DCDC1: variants seen among roughly 807,000 people sequenced by gnomAD.
DCDC1 encodes the protein doublecortin domain-containing protein 1.
DCDC1 carries 200 observed loss-of-function variants against 178.3 expected under a neutral mutation model. The observed-to-expected ratio is 1.12, with a 90% CI of 1.00 to 1.26. The LOEUF (loss-of-function observed/expected upper bound fraction) is 1.26, where lower values mean the gene tolerates loss of function less well. DCDC1 is among the 50% of genes most tolerant of loss of function. DCDC1 has a pLI of 0.00. For missense variants in DCDC1, 1,983 were observed against 1,749.2 expected (o/e 1.13, Z -2.38); for synonymous variants, 690 against 604.8 (o/e 1.14, Z -2.07).
chr11:31,023,481 A>G (rs989637934), intron 20 of DCDC1, among the ~76,000 whole-genome samples: 2 of 152,096 alleles, frequency 1.3e-5, no homozygotes, highest in Admixed American at 1.3e-4. Flanking sequence ...TAAGAAAAGT[A>G]AAAACAGAGG....
chr11:31,272,349 C>A (rs1945630572), intron 7 of DCDC1, among the ~76,000 whole-genome samples: 1 of 152,074 alleles, frequency 6.6e-6, no homozygotes, highest in African/African-American at 2.4e-5. Context: ...AATCTCATGA[C>A]CCCTCCCAAA....
intron 1 of DCDC1, 61 bp from the exon 2 acceptor site, chr11:31,335,625 C>G (rs1950232667): frequency 6.6e-6 from 1 of 152,176 alleles, no homozygotes; most frequent in Admixed American, 6.6e-5. Context: ...AAACAATGTG[C>G]CCATAAGAAA....
intron 9 of DCDC1, among the ~76,000 whole-genome samples, chr11:31,203,750 A>G (rs1017149291): frequency 4.6e-5 from 7 of 152,222 alleles, no homozygotes; most frequent in African/African-American, 1.7e-4. Flanking sequence ...CAATGGTAAG[A>G]AAAATACTAT....
At chr11:31,245,650 T>A (rs1396649145) in intron 8 of DCDC1, among the ~76,000 whole-genome samples, 1 of 151,812 alleles carries the variant, frequency 6.6e-6, no homozygotes, top group Non-Finnish European at 1.5e-5. Context: ...GAGATGGGTA[T>A]TTTTAAAAAG....
rs184540227 is a variant in DCDC1, at chr11:31,033,558, A to G, written c.2591+30911T>C. 5.5e-4 allele frequency among the ~76,000 whole-genome samples: 84 copies of G among 152,324 alleles called. No homozygotes were observed. In the East Asian group the frequency reaches 0.013, roughly 24 times the overall value. ...AATATTTATCTTAAGTTTTGGCTTAAGATAAATTCTGAGGAATTATATTTC... is the reference window on the plus strand; with the variant it reads ...AATATTTATCTTAAGTTTTGGCTTAGGATAAATTCTGAGGAATTATATTTC... On this transcript the variant is annotated intron_variant, in intron 20 of 38. Transcript: ENST00000684477.
chr11:31,132,555 G>T (rs1473117730), intron 10 of DCDC1, among the ~76,000 whole-genome samples: 1 of 151,830 alleles, frequency 6.6e-6, no homozygotes, highest in South Asian at 2.1e-4. Context: ...TGTGAATAGG[G>T]GTAAAAGAAG....
chr11:31,243,467 C>T (rs1977436988), intron 8 of DCDC1, among the ~76,000 whole-genome samples: 1 of 151,594 alleles, frequency 6.6e-6, no homozygotes, highest in African/African-American at 2.4e-5. Context: ...ATGATTTACA[C>T]CCTAGAGTTA....
chr11:30,985,332 G>A (rs543583206), intron 20 of DCDC1, among the ~76,000 whole-genome samples: 17 of 152,194 alleles, frequency 1.1e-4, no homozygotes, highest in Admixed American at 9.2e-4. Flanking sequence ...TAAAATGCCT[G>A]TAAATTTCAA....
Position 30,919,036 on chromosome 11 carries a change from C to A in DCDC1, c.3293+1740G>T, listed in dbSNP as rs946787862. On this transcript the variant is annotated intron_variant, in intron 25 of 38. Coordinates refer to ENST00000684477, the MANE Select transcript of DCDC1 (RefSeq NM_001387274.1). The stretch of plus-strand genomic sequence containing the variant: ...TTTCAAATATGCAAAAAACTCCAAA[C>A]AAGCACATTTAAGAAAGTCTGGGAA... Among the ~76,000 whole-genome samples, 22 of 152,216 alleles carry A rather than the reference C, an allele frequency of 1.4e-4. No individual in the cohort carries two copies. In the South Asian group the frequency reaches 1.7e-3, roughly 11 times the overall value.
intron 20 of DCDC1, among the ~76,000 whole-genome samples, chr11:31,052,458 C>T (rs549417143): frequency 6.6e-6 from 1 of 152,062 alleles, no homozygotes; most frequent in South Asian, 2.1e-4. Flanking sequence ...GACAGAAAGT[C>T]AACAAAGAAA....
At position 31,232,370 on chromosome 11, in the gene DCDC1, A is replaced by G. The variant is rs1224670610; in HGVS notation, c.1221+9080T>C. On this transcript the variant is annotated intron_variant, in intron 9 of 38. Coordinates refer to ENST00000684477, the MANE Select transcript of DCDC1 (RefSeq NM_001387274.1). ...TTTTGGCATTTCTTCATTATTTAATATGCTGTGAACTTTAAAAAAATATAA... is the reference window on the plus strand; with the variant it reads ...TTTTGGCATTTCTTCATTATTTAATGTGCTGTGAACTTTAAAAAAATATAA... Among the ~76,000 whole-genome samples, 4 of 152,182 alleles carry G rather than the reference A, an allele frequency of 2.6e-5. No homozygotes were observed. In the East Asian group the frequency reaches 7.7e-4, roughly 29 times the overall value.
chr11:31,095,154 A>G (rs1419752739), intron 15 of DCDC1, among the ~76,000 whole-genome samples: 1 of 152,126 alleles, frequency 6.6e-6, no homozygotes, highest in Non-Finnish European at 1.5e-5. Flanking sequence ...TCCATGGTGT[A>G]TATGTGCCAC....
At chr11:30,991,001 C>T (rs190752427) in intron 20 of DCDC1, among the ~76,000 whole-genome samples, 9 of 152,154 alleles carry the variant, frequency 5.9e-5, no homozygotes, top group East Asian at 3.9e-4. Flanking sequence ...GTGAGAGTTA[C>T]GAGGAAAAGC....
At chr11:31,253,003 AAT>A (rs1029798470) in intron 8 of DCDC1, among the ~76,000 whole-genome samples, 2 of 152,164 alleles carry the variant, frequency 1.3e-5, no homozygotes, top group Admixed American at 6.5e-5. Flanking sequence ...ACTGAAAAAA[AAT>A]AGTCATTATC....
intron 17 of DCDC1, among the ~76,000 whole-genome samples, chr11:31,085,135 T>C (rs150761164): frequency 1.3e-4 from 20 of 151,806 alleles, no homozygotes; most frequent in African/African-American, 4.6e-4. Context: ...TCATTCCTTA[T>C]CATTTTTATT....
At chr11:31,349,876 T>C (rs988288389) in intron 1 of DCDC1, among the ~76,000 whole-genome samples, 4 of 152,166 alleles carry the variant, frequency 2.6e-5, no homozygotes, top group Non-Finnish European at 4.4e-5. Flanking sequence ...GTTCACTGAA[T>C]GAGCGTATGT....
intron 6 of DCDC1, among the ~76,000 whole-genome samples, chr11:31,298,510 G>A (rs1420853443): frequency 6.6e-6 from 1 of 152,056 alleles, no homozygotes; most frequent in Non-Finnish European, 1.5e-5. Flanking sequence ...AGCTGCTCAG[G>A]GACTGCCATG....
intron 13 of DCDC1, among the ~76,000 whole-genome samples, chr11:31,106,455 G>A (rs1280911313): frequency 6.6e-6 from 1 of 152,162 alleles, no homozygotes; most frequent in Non-Finnish European, 1.5e-5. Context: ...GGCAGTGTGC[G>A]ACAATGACAG....
rs756883109 is a variant in DCDC1, at chr11:30,905,165, C to G, written c.4105-1G>C. On this transcript the variant is annotated splice_acceptor_variant, in intron 30 of 38. Coordinates refer to ENST00000684477, the MANE Select transcript of DCDC1 (RefSeq NM_001387274.1). LOFTEE classifies it high-confidence loss of function. ...CAGCCTTGTCACACGACAAATCAACCTAATTTTTTAAAAAATAAATTGTAC... is the reference window on the plus strand; with the variant it reads ...CAGCCTTGTCACACGACAAATCAACGTAATTTTTTAAAAAATAAATTGTAC... 1 of 1,570,796 alleles carries G rather than the reference C, an allele frequency of 6.4e-7. No individual in the cohort carries two copies.
Sources: gnomAD v4.1 joint callset for allele counts (sites outside exome capture counted in the v4.1 genomes callset) on GRCh38, gnomAD v4.1.1 for gene constraint, MANE v1.5 for transcripts, NCBI Gene and HGNC (gene_info 2026-07-23, HGNC 2026-07-21) for gene names.